Variants in NUP214 observed in about 807,000 individuals in gnomAD.
NUP214 encodes the protein nucleoporin 214, also known as nuclear pore complex protein Nup214.
NUP214 carries 79 observed loss-of-function variants against 196.2 expected under a neutral mutation model. That is an observed-to-expected ratio of 0.40 (90% confidence interval 0.34 to 0.49). The LOEUF (loss-of-function observed/expected upper bound fraction) is 0.49, where lower values mean the gene tolerates loss of function less well. NUP214 is among the 20% of genes least tolerant of loss of function. NUP214 has a pLI of 0.58. For missense variants in NUP214, 2,468 were observed against 2,539.0 expected (o/e 0.97, Z 0.60); for synonymous variants, 1,020 against 990.5 (o/e 1.03, Z -0.56).
chr9:131,174,562 C>T (rs763233161), intron 22 of NUP214, among the ~76,000 whole-genome samples: 1 of 148,292 alleles, frequency 6.7e-6, no homozygotes, highest in Non-Finnish European at 1.5e-5. Flanking sequence ...GATTCTCCTG[C>T]CTCACCCTCC....
Position 131,163,037 on chromosome 9 carries a change from A to G in NUP214, c.2587A>G (p.Asn863Asp). The change falls in exon 19 of 36, where the codon AAC becomes GAC. Residue 863 changes from asparagine to aspartate, a missense_variant. Asn to Asp is a conservative substitution (Grantham distance 23). Coordinates refer to ENST00000359428, the MANE Select transcript of NUP214 (RefSeq NM_005085.4). Reference protein sequence around the residue: ...ERETLFNTLANNREIINQQRK... With the variant: ...ERETLFNTLADNREIINQQRK... ...AGAGACACTGTTTAACACCCTAGCC[A>G]ACAATCGGGAAATCATCAACCAACA... 6.2e-7 allele frequency: 1 copy of G among 1,614,216 alleles called. No individual in the cohort carries two copies. The highest frequency in any genetic ancestry group is 8.5e-7 in the Non-Finnish European group (1 of 1,180,038).
intron 30 of NUP214, among the ~76,000 whole-genome samples, chr9:131,207,411 G>T (rs1256118394): frequency 1.3e-5 from 2 of 152,222 alleles, no homozygotes; most frequent in African/African-American, 4.8e-5. Context: ...TGGCTTGGCT[G>T]TTGGCTCAGA....
At chr9:131,135,204 C>T (rs1234613112) in intron 8 of NUP214, 200 bp downstream of exon 8, 3 of 512,130 alleles carry the variant, frequency 5.9e-6, no homozygotes, top group Non-Finnish European at 6.9e-6. Flanking sequence ...ATCCTTCCAC[C>T]TCAGCCTCCC....
intron 30 of NUP214, among the ~76,000 whole-genome samples, chr9:131,207,316 G>T (rs1834113866): frequency 6.6e-6 from 1 of 152,236 alleles, no homozygotes; most frequent in Non-Finnish European, 1.5e-5. Context: ...GGGATGGCTT[G>T]TCTTCACAGT....
chr9:131,194,708 C>A (rs1181171551), intron 27 of NUP214, among the ~76,000 whole-genome samples: 1 of 152,186 alleles, frequency 6.6e-6, no homozygotes, highest in Non-Finnish European at 1.5e-5. Context: ...TCAGTTCTGT[C>A]AAAATGACTG....
chr9:131,142,347 C>G (rs1564182149), intron 11 of NUP214, among the ~76,000 whole-genome samples: 1 of 152,232 alleles, frequency 6.6e-6, no homozygotes, highest in Non-Finnish European at 1.5e-5. Flanking sequence ...AGAAACTCCC[C>G]TCTTCCTTCA....
In NUP214 at chr9:131,139,240, TTTC is replaced by T. The variant is rs750793721; in HGVS notation, c.1006-26_1006-24del. The T allele has an allele frequency of 2.7e-4, 391 of 1,451,198 alleles. 1 individual carries two copies. Among genetic ancestry groups the T allele is most frequent in the African/African-American group, 2.0e-3 (134 of 68,262 alleles). 89.9% of individuals were successfully genotyped at this position (1,451,198 alleles called of 1,614,324 possible). A position where few individuals can be genotyped will look rare whatever the true frequency, so the allele number is the denominator to read the frequency against. On this transcript the variant is annotated intron_variant, in intron 9 of 35. Coordinates refer to ENST00000359428, the MANE Select transcript of NUP214 (RefSeq NM_005085.4). ...CTCTAACCAACATGGCTTTTTCTTT[TTTC>T]TTCTTCTTCTTCTTTTTTTTTTTTT...
chr9:131,144,624 T>G lies in NUP214; in HGVS notation c.1639T>G (p.Ser547Ala), dbSNP rs149363119. ...SPVAPSAASF[S>A]FGSSGFKPTL... ...TGTGGCTCCATCAGCTGCTTCATTC[T>G]CCTTTGGATCATCTGGTTTTAAGCC... is the stretch of plus-strand genomic sequence containing the variant. Residue 547 changes from serine to alanine, a missense_variant, in exon 12 of 36, where the codon TCC (serine) becomes GCC (alanine). Physicochemically the swap from Ser to Ala is moderately conservative, Grantham distance 99 (BLOSUM62 1). Coordinates refer to ENST00000359428, the MANE Select transcript of NUP214 (RefSeq NM_005085.4). 150 of 1,614,024 alleles carry G rather than the reference T, an allele frequency of 9.3e-5. No homozygotes were observed. Among genetic ancestry groups the G allele is most frequent in the Non-Finnish European group, 7.7e-5 (91 of 1,180,026 alleles).
At chr9:131,151,239 C>T (rs1832253295) in intron 16 of NUP214, among the ~76,000 whole-genome samples, 1 of 152,184 alleles carries the variant, frequency 6.6e-6, no homozygotes, top group Admixed American at 6.5e-5. Flanking sequence ...GTGCCAAACG[C>T]ATCACTTGTA....
intron 12 of NUP214, 44 bp downstream of exon 12, chr9:131,144,798 A>G (rs1832038311): frequency 7.2e-7 from 1 of 1,381,986 alleles, no homozygotes; most frequent in Non-Finnish European, 1.0e-6. Flanking sequence ...GTTGGGTAGA[A>G]ATATTGGATG....
At chr9:131,132,120 T>TTTTC (rs1554728326) in intron 5 of NUP214, among the ~76,000 whole-genome samples, 10 of 81,658 alleles carry the variant, frequency 1.2e-4, no homozygotes, top group African/African-American at 4.9e-4. Flanking sequence ...CTTTTCTTTC[T>TTTTC]TTTTTTTTTT....
At position 131,178,829 on chromosome 9, in the gene NUP214, T is replaced by C. The variant is rs193191313; in HGVS notation, c.3419+419T>C. Among the ~76,000 whole-genome samples the C allele has an allele frequency of 2.3e-3, 357 of 152,118 alleles. 4 individuals carry two copies. The highest frequency in any genetic ancestry group is 8.3e-3 in the African/African-American group (343 of 41,488). ...CTCCCTCACTTCCCTTCTCCAGGCA[T>C]TTCTGTTCTTCCCATTTCTTTTGCT... On this transcript the variant is annotated intron_variant, in intron 24 of 35. Coordinates refer to ENST00000359428, the MANE Select transcript of NUP214 (RefSeq NM_005085.4).
At position 131,187,334 on chromosome 9, in the gene NUP214, G is replaced by T. The variant is rs756738469; in HGVS notation, c.3465G>T (p.Leu1155Phe). 1 of 1,611,314 alleles carries T rather than the reference G, an allele frequency of 6.2e-7. No homozygotes were observed. Among genetic ancestry groups the T allele is most frequent in the Admixed American group, 1.7e-5 (1 of 59,852 alleles). Residue 1155 changes from leucine (L) to phenylalanine (F), a missense_variant, in exon 25 of 36, where the codon TTG (leucine) becomes TTT (phenylalanine). Physicochemically the swap from Leu to Phe is conservative, Grantham distance 22 (BLOSUM62 0). Around this residue, in one of 5 missense-constraint regions of NUP214, gnomAD observed 1,801 missense variants for 1,779.4 expected, o/e 1.01. Coordinates refer to ENST00000359428, the MANE Select transcript of NUP214 (RefSeq NM_005085.4). ...YSTAKTPHPV[L>F]TPVAANQAKQ... ...CAGCCAAAACACCTCACCCAGTGTT[G>T]ACCCCAGTGGCTGCTAACCAAGCCA...
intron 12 of NUP214, 79 bp downstream of exon 12, chr9:131,144,833 C>A: frequency 1.8e-6 from 2 of 1,127,720 alleles, no homozygotes; most frequent in African/African-American, 1.6e-5. Flanking sequence ...TAGAGTCACT[C>A]TGAGAGGAGT....
rs375089325 is a variant in NUP214, at chr9:131,150,435, T to C, written c.2127+25T>C. On this transcript the variant is annotated intron_variant, in intron 15 of 35. Coordinates refer to ENST00000359428, the MANE Select transcript of NUP214 (RefSeq NM_005085.4). Reference sequence around the variant, plus strand: ...GGTAAATTTGTTTCCTGAGGGTGTTTTTCTGAAAGTAGCTGACAGACTTGG... The same window carrying C: ...GGTAAATTTGTTTCCTGAGGGTGTTCTTCTGAAAGTAGCTGACAGACTTGG... 5.6e-6 allele frequency: 9 copies of C among 1,611,282 alleles called. No homozygotes were observed. In the African/African-American group the frequency reaches 1.1e-4, roughly 19 times the overall value.
intron 2 of NUP214, 123 bp from the exon 3 acceptor site, chr9:131,128,209 A>G (rs1831422258): frequency 3.1e-6 from 2 of 637,996 alleles, no homozygotes; most frequent in Admixed American, 2.9e-5. Context: ...CTGTATAACT[A>G]GGTATTGGGG....
intron 30 of NUP214, among the ~76,000 whole-genome samples, chr9:131,208,105 T>C (rs979524277): frequency 2.0e-5 from 3 of 152,126 alleles, no homozygotes; most frequent in Admixed American, 2.0e-4. Flanking sequence ...ACAAAGAAAT[T>C]AGAACCCTCA....
At position 131,198,951 on chromosome 9, in the gene NUP214, T is replaced by A; in HGVS notation, c.5457T>A (p.Phe1819Leu). 1 of 1,613,962 alleles carries A rather than the reference T, an allele frequency of 6.2e-7. No homozygotes were observed. The highest frequency in any genetic ancestry group is 8.5e-7 in the Non-Finnish European group (1 of 1,179,816). ...SPGFGQGGSV[F>L]GGTSAATTTA... Reference sequence around the variant, plus strand: ...GCTTTGGACAGGGAGGCTCTGTCTTTGGTGGTACCTCAGCTGCCACCACAA... The same window carrying A: ...GCTTTGGACAGGGAGGCTCTGTCTTAGGTGGTACCTCAGCTGCCACCACAA... Residue 1819 changes from phenylalanine (F) to leucine (L), a missense_variant, in exon 29 of 36, where the codon TTT becomes TTA. By Grantham distance (22) the Phe-to-Leu change is conservative (BLOSUM62 0). This residue lies in a region of NUP214 where 1,801 missense variants were observed against 1,779.4 expected (regional missense o/e 1.01). Transcript: ENST00000359428.
chr9:131,191,528 A>G (rs1212067306), intron 26 of NUP214: 2 of 152,188 alleles, frequency 1.3e-5, no homozygotes, highest in Non-Finnish European at 2.9e-5. Context: ...TACCCAAACT[A>G]TAAGTAAGTA....
Sources: allele counts gnomAD v4.1 joint callset (sites outside exome capture counted in the v4.1 genomes callset), GRCh38; gene constraint gnomAD v4.1.1; regional missense constraint gnomAD v4.1.1; transcripts MANE v1.5; gene names NCBI Gene and HGNC (gene_info 2026-07-23, HGNC 2026-07-21).